The following CELF2 variants were observed in gnomAD, a reference collection of about 807,000 sequenced individuals.
CELF2 encodes CUGBP Elav-like family member 2.
A neutral mutation model predicts 62.6 loss-of-function variants in CELF2; 8 were observed. The ratio of observed to expected loss-of-function variants is 0.13; its 90% confidence interval spans 0.07 to 0.23. The LOEUF (loss-of-function observed/expected upper bound fraction) is 0.23. Among genes scored for constraint, CELF2 ranks in the 10% least tolerant of loss-of-function variants. The probability of loss-of-function intolerance (pLI) is 1.00; values close to 1 mark genes in which losing one functional copy is unlikely to be tolerated. For synonymous variants in CELF2, 258 were observed against 250.0 expected (o/e 1.03, Z -0.30); for missense variants, 333 against 671.0 (o/e 0.50, Z 5.56).
chr10:10,740,440 T>C, the CELF2 span, among the ~76,000 whole-genome samples: 60,610 of 151,832 alleles, frequency 0.4, 12,746 homozygotes, highest in African/African-American at 0.49. Flanking sequence ...AAAAGGGAAC[T>C]CTTATACACA....
the CELF2 span, among the ~76,000 whole-genome samples, chr10:10,713,603 T>C: frequency 6.6e-6 from 1 of 152,230 alleles, no homozygotes; most frequent in Non-Finnish European, 1.5e-5. Flanking sequence ...TGAACTACTG[T>C]TTTGAGACAG....
chr10:10,926,692 AG>A (rs1592016809), intron 2 of CELF2, among the ~76,000 whole-genome samples: 5 of 152,220 alleles, frequency 3.3e-5, no homozygotes, highest in African/African-American at 4.8e-5. Flanking sequence ...CTGATCCCTT[AG>A]GGAGGGGACA....
rs112095379 is a variant in CELF2 at position 11,328,113 on chromosome 10, G to A, written c.1439-813G>A. 2.0e-5 allele frequency among the ~76,000 whole-genome samples: 3 copies of A among 152,166 alleles called. No individual in the cohort carries two copies. The highest frequency in any genetic ancestry group is 4.8e-5 in the African/African-American group (2 of 41,434). On this transcript the variant is annotated intron_variant, in intron 12 of 12. Transcript: ENST00000633077. The surrounding 1 kb of genome is among the most constrained non-coding windows in gnomAD (Gnocchi z 6.4). Reference sequence around the variant, plus strand: ...TTCCCTGCTGTTTATGGTGGAGGTCGTTGCTACAGAGTAAGAGATGGGGAA... The same window carrying A: ...TTCCCTGCTGTTTATGGTGGAGGTCATTGCTACAGAGTAAGAGATGGGGAA...
chr10:10,817,181 A>T (rs978847333), intron 1 of CELF2, among the ~76,000 whole-genome samples: 2 of 152,182 alleles, frequency 1.3e-5, no homozygotes, highest in Non-Finnish European at 1.5e-5. Context: ...GGGCATTAAC[A>T]TGAGGGTTTT....
the CELF2 span, among the ~76,000 whole-genome samples, chr10:10,659,495 T>A: frequency 6.6e-6 from 1 of 152,178 alleles, no homozygotes; most frequent in Non-Finnish European, 1.5e-5. Flanking sequence ...CCCCTCCTCA[T>A]CTTCTTGCTT....
intron 8 of CELF2, among the ~76,000 whole-genome samples, chr10:11,284,198 GTGGGT>G (rs2090230560): frequency 1.0e-5 from 1 of 97,894 alleles, no homozygotes; most frequent in Non-Finnish European, 2.0e-5. Flanking sequence ...TGCGTGGTGG[GTGGGT>G]GAGGGATGAG....
the CELF2 span, among the ~76,000 whole-genome samples, chr10:10,752,030 A>G: frequency 1.3e-5 from 2 of 152,240 alleles, no homozygotes; most frequent in African/African-American, 4.8e-5. Context: ...CGGTCACTGA[A>G]TTGATGAAGG....
the CELF2 span, among the ~76,000 whole-genome samples, chr10:10,618,537 AC>A: frequency 6.6e-6 from 1 of 152,082 alleles, no homozygotes; most frequent in South Asian, 2.1e-4. Context: ...AACTCAAAGC[AC>A]CCCGACCATT....
the CELF2 span, among the ~76,000 whole-genome samples, chr10:10,574,201 G>A: frequency 6.6e-6 from 1 of 152,174 alleles, no homozygotes; most frequent in Non-Finnish European, 1.5e-5. Flanking sequence ...AACTTTGAAA[G>A]CCAAGGACAT....
the CELF2 span, among the ~76,000 whole-genome samples, chr10:10,666,141 C>T: frequency 2.0e-5 from 3 of 152,322 alleles, no homozygotes; most frequent in East Asian, 5.8e-4. Flanking sequence ...TCTACTCAGC[C>T]TGAGAGTGCA....
chr10:11,277,803 C>T (rs192433862), intron 8 of CELF2, among the ~76,000 whole-genome samples: 1 of 152,142 alleles, frequency 6.6e-6, no homozygotes, highest in Non-Finnish European at 1.5e-5. Flanking sequence ...ATCCCAAACA[C>T]CACCTGATGT....
At chr10:10,868,860 CT>C (rs1393488196) in intron 1 of CELF2, among the ~76,000 whole-genome samples, 2 of 152,218 alleles carry the variant, frequency 1.3e-5, no homozygotes, top group Non-Finnish European at 2.9e-5. Context: ...TTGTGGCTCA[CT>C]GCTACCAAAT....
chr10:11,175,419 G>A (rs1322950898), intron 2 of CELF2, among the ~76,000 whole-genome samples: 2 of 152,230 alleles, frequency 1.3e-5, no homozygotes, highest in African/African-American at 4.8e-5. Context: ...TTTTGAAGAC[G>A]CTAAAGTGCA....
Position 11,300,385 on chromosome 10 carries a change from G to T in CELF2, c.976+11833G>T, listed in dbSNP as rs2093605338. Reference sequence around the variant, plus strand: ...CTTGCCCAGCACTGCACCAAGCCAGGTGGCATCAGCTTCCTTGGGAAGCAG... The same window carrying T: ...CTTGCCCAGCACTGCACCAAGCCAGTTGGCATCAGCTTCCTTGGGAAGCAG... On this transcript the variant is annotated intron_variant, in intron 9 of 12. Transcript: ENST00000633077. The surrounding 1 kb of genome is among the most constrained non-coding windows in gnomAD (Gnocchi z 5.5). Among the ~76,000 whole-genome samples, 3 of 152,204 alleles carry T rather than the reference G, an allele frequency of 2.0e-5. No individual in the cohort carries two copies.
At chr10:11,130,255 T>C (rs1349097749) in intron 1 of CELF2, among the ~76,000 whole-genome samples, 4 of 152,218 alleles carry the variant, frequency 2.6e-5, no homozygotes, top group Non-Finnish European at 4.4e-5. Flanking sequence ...TTGTAATTTC[T>C]GTTTAAACCA....
At chr10:10,809,944 A>G (rs1320134343) in intron 1 of CELF2, among the ~76,000 whole-genome samples, 5 of 152,222 alleles carry the variant, frequency 3.3e-5, no homozygotes, top group Non-Finnish European at 7.3e-5. Context: ...AACAATATTA[A>G]ACTAATCTTA....
At chr10:11,282,298 G>A (rs751192920) in intron 8 of CELF2, among the ~76,000 whole-genome samples, 8 of 152,194 alleles carry the variant, frequency 5.3e-5, no homozygotes, top group Non-Finnish European at 1.0e-4. Context: ...AGGGCAGCCC[G>A]TGGGTAGGCC....
At chr10:10,687,104 C>T in the CELF2 span, among the ~76,000 whole-genome samples, 5 of 152,160 alleles carry the variant, frequency 3.3e-5, no homozygotes, top group African/African-American at 9.7e-5. Flanking sequence ...AACTGTGGTG[C>T]CGTTTTTTCA....
At chr10:10,554,666 A>G in the CELF2 span, among the ~76,000 whole-genome samples, 6 of 152,140 alleles carry the variant, frequency 3.9e-5, no homozygotes, top group South Asian at 1.0e-3. Flanking sequence ...TGGTCCCTCC[A>G]TCCTTCTGAG....
Sources: allele counts gnomAD v4.1 joint callset (sites outside exome capture counted in the v4.1 genomes callset), GRCh38; gene constraint gnomAD v4.1.1; non-coding constraint Gnocchi (gnomAD v3.1); transcripts MANE v1.5; gene names NCBI Gene and HGNC (gene_info 2026-07-23, HGNC 2026-07-21).